The following PPP1CC variants were observed in gnomAD, a reference collection of about 807,000 sequenced individuals.
PPP1CC encodes serine/threonine-protein phosphatase PP1-gamma catalytic subunit.
PPP1CC carries 16 observed loss-of-function variants against 38.4 expected under a neutral mutation model. The observed-to-expected ratio is 0.42, with a 90% CI of 0.28 to 0.63. The LOEUF is 0.63. Ranked by LOEUF, PPP1CC falls within the 30% of genes least tolerant of loss-of-function variation. The pLI, the probability that PPP1CC is intolerant of heterozygous loss-of-function variation, is 0.25. For synonymous variants in PPP1CC, 158 were observed against 136.0 expected, an observed-to-expected ratio of 1.16 and a Z score of -1.13; for missense variants, 170 against 391.3, an observed-to-expected ratio of 0.43 and a Z score of 4.77.
In PPP1CC at chr12:110,722,437, C is replaced by A; in HGVS notation, c.747+35G>T. The A allele has an allele frequency of 6.3e-7, 1 of 1,593,994 alleles. No individual in the cohort carries two copies. The highest frequency in any genetic ancestry group is 8.6e-7 in the Non-Finnish European group (1 of 1,161,760). On this transcript the variant is annotated intron_variant, in intron 5 of 6. Transcript: ENST00000335007. The surrounding 1 kb of genome is among the most constrained non-coding windows in gnomAD (Gnocchi z 5.4). ...AGGAGAATCTGTGCTCACACACATGCTCTTAAGTGTACATGTAAAATTCAA... is the reference window on the plus strand; with the variant it reads ...AGGAGAATCTGTGCTCACACACATGATCTTAAGTGTACATGTAAAATTCAA...
chr12:110,722,703 ATGAGG>A lies in PPP1CC; in HGVS notation c.524-13_524-9del. 6.3e-7 allele frequency: 1 copy of A among 1,581,054 alleles called. No individual in the cohort carries two copies. The highest frequency in any genetic ancestry group is 8.6e-7 in the Non-Finnish European group (1 of 1,166,228). Reference sequence around the variant, plus strand: ...GAAGATCTGGTGATAAACCTATTCAATGAGGAAAAAAAAAAAATGAAGAAAGCAGA... The same window carrying A: ...GAAGATCTGGTGATAAACCTATTCAAAAAAAAAAAAAATGAAGAAAGCAGA... On this transcript the variant is annotated splice_polypyrimidine_tract_variant and intron_variant, in intron 4 of 6. Coordinates refer to ENST00000335007, the MANE Select transcript of PPP1CC (RefSeq NM_002710.4). The surrounding 1 kb of genome is among the most constrained non-coding windows in gnomAD (Gnocchi z 5.4).
Position 110,722,732 on chromosome 12 carries a change from G to A in PPP1CC, c.524-37C>T. The A allele has an allele frequency of 6.5e-7, 1 of 1,530,196 alleles. No homozygotes were observed. The highest frequency in any genetic ancestry group is 2.0e-5 in the Admixed American group (1 of 50,762). The allele number at this position is 1,530,196 out of a possible 1,614,324, so 94.8% of individuals were successfully genotyped here. Reference sequence around the variant, plus strand: ...GGAAAAAAAAAAAATGAAGAAAGCAGAACTTTTAAAAGGATACTACCCCTT... The same window carrying A: ...GGAAAAAAAAAAAATGAAGAAAGCAAAACTTTTAAAAGGATACTACCCCTT... On this transcript the variant is annotated intron_variant, in intron 4 of 6. Transcript: ENST00000335007. The surrounding 1 kb of genome is among the most constrained non-coding windows in gnomAD (Gnocchi z 5.4).
chr12:110,724,906 T>C (rs994596851), intron 3 of PPP1CC, 142 bp from the exon 4 acceptor site: 1 of 481,988 alleles, frequency 2.1e-6, no homozygotes, highest in African/African-American at 2.0e-5. Flanking sequence ...AGAATCTTAA[T>C]AAAACCATCT....
intron 3 of PPP1CC, among the ~76,000 whole-genome samples, chr12:110,729,093 C>T (rs1056242782): frequency 6.6e-6 from 1 of 152,100 alleles, no homozygotes; most frequent in Non-Finnish European, 1.5e-5. Context: ...AAACCTGAAA[C>T]CCGTCCTGGC....
chr12:110,721,015 T>TA lies in PPP1CC; in HGVS notation c.*60dup. 6.7e-7 allele frequency: 1 copy of TA among 1,483,636 alleles called. No individual in the cohort carries two copies. The highest frequency in any genetic ancestry group is 1.1e-5 in the South Asian group (1 of 87,756). The allele number at this position is 1,483,636 out of a possible 1,614,324, so 91.9% of individuals were successfully genotyped here. ...AGCTGACCAGTACACATTACAGTCT[T>TA]AAAAATGAAGGTTATATACTCTATG... is the stretch of plus-strand genomic sequence containing the variant. On this transcript the variant is annotated 3_prime_UTR_variant, in exon 7 of 7. Coordinates refer to ENST00000335007, the MANE Select transcript of PPP1CC (RefSeq NM_002710.4).
downstream of PPP1CC, among the ~76,000 whole-genome samples, chr12:110,714,780 T>C (rs2069675654): frequency 2.6e-5 from 3 of 113,990 alleles, 1 homozygote; most frequent in Admixed American, 4.1e-4. Flanking sequence ...CACTCCAGCC[T>C]GGGCGACAGA....
At chr12:110,736,111 A>G (rs2069941846) in intron 1 of PPP1CC, among the ~76,000 whole-genome samples, 1 of 151,954 alleles carries the variant, frequency 6.6e-6, no homozygotes, top group African/African-American at 2.4e-5. Flanking sequence ...CAAACAAACA[A>G]ACAACAACAA....
intron 1 of PPP1CC, 135 bp from the exon 2 acceptor site, chr12:110,732,036 T>C (rs1593580988): frequency 1.2e-6 from 1 of 867,184 alleles, no homozygotes; most frequent in Non-Finnish European, 1.7e-6. Context: ...ATAATAAACA[T>C]GGTTTTAATG....
chr12:110,738,339 T>A (rs1233265305), intron 1 of PPP1CC, among the ~76,000 whole-genome samples: 1 of 152,232 alleles, frequency 6.6e-6, no homozygotes, highest in East Asian at 1.9e-4. Flanking sequence ...TCCTTCTTGG[T>A]CTTGAATGAC....
At chr12:110,729,262 T>C (rs2069844876) in intron 3 of PPP1CC, among the ~76,000 whole-genome samples, 1 of 151,652 alleles carries the variant, frequency 6.6e-6, no homozygotes, top group Admixed American at 6.6e-5. Flanking sequence ...TGGTGTGATT[T>C]TGGCTCACTG....
In PPP1CC at chr12:110,720,031, TTCTGTATAA is replaced by T; in HGVS notation, c.*1036_*1044del. On this transcript the variant is annotated 3_prime_UTR_variant, in exon 7 of 7. Transcript: ENST00000335007. The stretch of plus-strand genomic sequence containing the variant: ...TTAAAAAAGTCATAGGTACTGTGAG[TTCTGTATAA>T]ACTGGTGGACAGTAAGTTAGTTCCT... 1 of 1,007,660 alleles carries T rather than the reference TTCTGTATAA, an allele frequency of 9.9e-7. No homozygotes were observed. The highest frequency in any genetic ancestry group is 1.4e-6 in the Non-Finnish European group (1 of 695,052). The allele number at this position is 1,007,660 out of a possible 1,614,324, so 62.4% of individuals were successfully genotyped here.
intron 1 of PPP1CC, among the ~76,000 whole-genome samples, chr12:110,734,380 G>T (rs965223275): frequency 1.3e-5 from 2 of 152,202 alleles, no homozygotes; most frequent in African/African-American, 4.8e-5. Context: ...TTTCACTCTT[G>T]TTGCCCAGGC....
chr12:110,710,562 C>T, the PPP1CC span, among the ~76,000 whole-genome samples: 3 of 150,834 alleles, frequency 2.0e-5, no homozygotes, highest in Admixed American at 6.6e-5. Context: ...ACTAAAAATA[C>T]AAAAAATTAG....
At chr12:110,741,884 A>T (rs1228314174) in intron 1 of PPP1CC, among the ~76,000 whole-genome samples, 2 of 146,222 alleles carry the variant, frequency 1.4e-5, no homozygotes, top group East Asian at 3.8e-4. Flanking sequence ...ACACACAGTA[A>T]GCGCTTTAGA....
intron 6 of PPP1CC, 78 bp from the exon 7 acceptor site, chr12:110,721,243 C>T (rs909914127): frequency 2.4e-6 from 3 of 1,272,842 alleles, no homozygotes; most frequent in African/African-American, 1.5e-5. Context: ...TCATTCAGAT[C>T]TTCTGTTCAG....
intron 1 of PPP1CC, chr12:110,734,579 G>A (rs1275278948): frequency 6.5e-6 from 1 of 153,698 alleles, no homozygotes; most frequent in Non-Finnish European, 1.5e-5. Context: ...CCGACCTCAG[G>A]TGATCCACTG....
In PPP1CC at chr12:110,722,790, T is replaced by C; in HGVS notation, c.524-95A>G. 1.1e-6 allele frequency: 1 copy of C among 916,264 alleles called. No individual in the cohort carries two copies. The highest frequency in any genetic ancestry group is 1.6e-6 in the Non-Finnish European group (1 of 623,780). The allele number at this position is 916,264 out of a possible 1,614,324, so 56.8% of individuals were successfully genotyped here. On this transcript the variant is annotated intron_variant, in intron 4 of 6. Transcript: ENST00000335007. The surrounding 1 kb of genome is among the most constrained non-coding windows in gnomAD (Gnocchi z 5.4). ...TCCATTTGTCTACAGAGAAATTCAA[T>C]AATCCTGACATAAAAACTGAAATCT...
chr12:110,709,753 G>A, the PPP1CC span, among the ~76,000 whole-genome samples: 1 of 151,416 alleles, frequency 6.6e-6, no homozygotes, highest in Non-Finnish European at 1.5e-5. Context: ...CACTATGTTG[G>A]CTAGGCTGGT....
downstream of PPP1CC, among the ~76,000 whole-genome samples, chr12:110,717,500 T>G (rs1354096388): frequency 1.3e-5 from 2 of 152,126 alleles, no homozygotes; most frequent in Non-Finnish European, 1.5e-5. Context: ...TTCACGCCAT[T>G]CTCCTGCCTC....
Sources: gnomAD v4.1 joint callset for allele counts (sites outside exome capture counted in the v4.1 genomes callset) on GRCh38, gnomAD v4.1.1 for gene constraint, Gnocchi (gnomAD v3.1) non-coding constraint, MANE v1.5 for transcripts, NCBI Gene and HGNC (gene_info 2026-07-23, HGNC 2026-07-21) for gene names.